The following RBFOX1 variants were observed in gnomAD, a reference collection of about 807,000 sequenced individuals.
RBFOX1 encodes the protein RNA binding protein fox-1 homolog 1.
A neutral mutation model predicts 57.7 loss-of-function variants in RBFOX1; 8 were observed. The ratio of observed to expected loss-of-function variants is 0.14; its 90% CI spans 0.08 to 0.25. The LOEUF (loss-of-function observed/expected upper bound fraction) is 0.25. Among genes scored for constraint, RBFOX1 ranks in the 10% least tolerant of loss-of-function variants. RBFOX1 has a pLI of 1.00. For synonymous variants in RBFOX1, 326 were observed against 222.4 expected, an observed-to-expected ratio of 1.47 and a Z score of -4.15; for missense variants, 611 against 548.5, an observed-to-expected ratio of 1.11 and a Z score of -1.14.
intron 1 of RBFOX1, among the ~76,000 whole-genome samples, chr16:5,344,493 C>T (rs568865913): frequency 8.5e-5 from 13 of 152,274 alleles, no homozygotes; most frequent in African/African-American, 3.1e-4. Context: ...ACCTCACCTC[C>T]CTCCCCAATT....
chr16:5,611,801 C>CCCAT (rs2047820135), intron 3 of RBFOX1, among the ~76,000 whole-genome samples: 1 of 121,882 alleles, frequency 8.2e-6, no homozygotes, highest in East Asian at 2.6e-4. Context: ...CATCCACCCA[C>CCCAT]CCACCCACCC....
intron 3 of RBFOX1, among the ~76,000 whole-genome samples, chr16:6,891,665 T>C (rs569064296): frequency 6.6e-6 from 1 of 152,348 alleles, no homozygotes; most frequent in South Asian, 2.1e-4. Flanking sequence ...TTCAACAAAT[T>C]GTTAATGTAA....
chr16:5,548,975 T>C (rs1050800975), intron 2 of RBFOX1, among the ~76,000 whole-genome samples: 3 of 152,198 alleles, frequency 2.0e-5, no homozygotes, highest in Admixed American at 6.5e-5. Context: ...TTATTAGTAA[T>C]GAAGATAAGG....
chr16:7,500,302 A>T (rs1226458922), intron 4 of RBFOX1, among the ~76,000 whole-genome samples: 1 of 152,238 alleles, frequency 6.6e-6, no homozygotes, highest in East Asian at 1.9e-4. Context: ...TTCTGTGAAC[A>T]TACTTACAAA....
chr16:6,748,914 T>C (rs1055296709), intron 3 of RBFOX1: 1 of 152,168 alleles, frequency 6.6e-6, no homozygotes, highest in Non-Finnish European at 1.5e-5. Flanking sequence ...AAATTAGTGT[T>C]ACAGTTCTTT....
intron 3 of RBFOX1, among the ~76,000 whole-genome samples, chr16:6,870,245 G>A (rs1369961142): frequency 6.6e-6 from 1 of 152,038 alleles, no homozygotes; most frequent in Non-Finnish European, 1.5e-5. Context: ...CCTGGGGTGG[G>A]GCAATGGAGA....
intron 3 of RBFOX1, among the ~76,000 whole-genome samples, chr16:5,663,435 C>G (rs146126701): frequency 6.6e-6 from 1 of 151,682 alleles, no homozygotes; most frequent in African/African-American, 2.4e-5. Flanking sequence ...AAACTCCTGG[C>G]CTCAAGCTAT....
chr16:7,286,491 C>T (rs759474442), intron 4 of RBFOX1, among the ~76,000 whole-genome samples: 3 of 147,936 alleles, frequency 2.0e-5, no homozygotes, highest in Non-Finnish European at 1.5e-5. Context: ...GCTCTGTCAC[C>T]TAGGCTGGAG....
intron 3 of RBFOX1, among the ~76,000 whole-genome samples, chr16:5,788,161 G>C (rs2054570955): frequency 6.6e-6 from 1 of 152,194 alleles, no homozygotes; most frequent in Non-Finnish European, 1.5e-5. Context: ...CCATGCTGGA[G>C]GTTGCTCCCA....
chr16:6,913,103 T>A (rs1012610840), intron 3 of RBFOX1, among the ~76,000 whole-genome samples: 1 of 152,180 alleles, frequency 6.6e-6, no homozygotes, highest in African/African-American at 2.4e-5. Context: ...GCAACGTCTG[T>A]CCACCCACCA....
intron 15 of RBFOX1, chr16:7,709,469 C>A: frequency 1.4e-6 from 2 of 1,437,692 alleles, no homozygotes; most frequent in Non-Finnish European, 1.8e-6. Context: ...TTTTTTTTTC[C>A]CTCCCTTGCT....
intron 2 of RBFOX1, among the ~76,000 whole-genome samples, chr16:6,623,025 G>A (rs891188620): frequency 6.6e-6 from 1 of 152,148 alleles, no homozygotes; most frequent in African/African-American, 2.4e-5. Context: ...CTTTTACAAA[G>A]CCTCTTTGGC....
At chr16:6,957,604 C>T (rs962090209) in intron 3 of RBFOX1, among the ~76,000 whole-genome samples, 6 of 152,088 alleles carry the variant, frequency 3.9e-5, no homozygotes, top group Non-Finnish European at 5.9e-5. Flanking sequence ...TTTACTGCAA[C>T]CTGTTTTATC....
At chr16:7,479,299 T>C (rs1216515806) in intron 4 of RBFOX1, among the ~76,000 whole-genome samples, 1 of 151,898 alleles carries the variant, frequency 6.6e-6, no homozygotes, top group Admixed American at 6.6e-5. Flanking sequence ...ATTTATTGTA[T>C]TGTATAGTTT....
At chr16:6,101,984 G>T (rs557940128) in intron 1 of RBFOX1, among the ~76,000 whole-genome samples, 1 of 152,216 alleles carries the variant, frequency 6.6e-6, no homozygotes, top group South Asian at 2.1e-4. Flanking sequence ...GCTTTGGCTT[G>T]ATCACATTTC....
intron 1 of RBFOX1, among the ~76,000 whole-genome samples, chr16:6,250,897 C>T (rs904833940): frequency 1.3e-5 from 2 of 152,140 alleles, no homozygotes; most frequent in African/African-American, 4.8e-5. Context: ...TTGATTGTCC[C>T]TGTCTCTGAA....
chr16:7,606,588 G>T (rs2095294914), intron 9 of RBFOX1, among the ~76,000 whole-genome samples: 1 of 152,134 alleles, frequency 6.6e-6, no homozygotes, highest in Non-Finnish European at 1.5e-5. Flanking sequence ...TGTGAGTAAA[G>T]ATTTCTAAAG....
At chr16:7,354,004 C>T (rs892078760) in intron 4 of RBFOX1, among the ~76,000 whole-genome samples, 1 of 152,080 alleles carries the variant, frequency 6.6e-6, no homozygotes, top group African/African-American at 2.4e-5. Flanking sequence ...CAGACTCTTG[C>T]TCTGTCACTC....
At chr16:6,341,052 C>T (rs1427100404) in intron 2 of RBFOX1, among the ~76,000 whole-genome samples, 1 of 152,132 alleles carries the variant, frequency 6.6e-6, no homozygotes, top group East Asian at 1.9e-4. Flanking sequence ...CATGTGTAAG[C>T]TTTCCACTGA....
Sources: gnomAD v4.1 joint callset for allele counts (sites outside exome capture counted in the v4.1 genomes callset) on GRCh38, gnomAD v4.1.1 for gene constraint, MANE v1.5 for transcripts, NCBI Gene and HGNC (gene_info 2026-07-23, HGNC 2026-07-21) for gene names.